The following MEI4 variants were observed in gnomAD, a reference collection of about 807,000 sequenced individuals.
The protein encoded by MEI4 is meiosis-specific protein MEI4.
MEI4 carries 27 observed loss-of-function variants against 31.4 expected under a neutral mutation model. That is an observed-to-expected ratio of 0.86 (90% CI 0.63 to 1.19). The LOEUF (loss-of-function observed/expected upper bound fraction) is 1.19, where lower values mean the gene tolerates loss of function less well. Ranked by LOEUF, MEI4 falls within the 50% of genes most tolerant of loss-of-function variation. MEI4 has a pLI of 0.00. For synonymous variants in MEI4, 122 were observed against 145.4 expected (o/e 0.84, Z 1.16); for missense variants, 329 against 398.9 (o/e 0.82, Z 1.49).
rs1478089175 is a variant in MEI4 at position 77,786,051 on chromosome 6, T to C, written c.768+24386T>C. On this transcript the variant is annotated intron_variant, in intron 3 of 4. Coordinates refer to ENST00000684080, the MANE Select transcript of MEI4 (RefSeq NM_001322247.2). ...CAGTCTCTGAGTTCACATTCCCAAA[T>C]GCCTTTCAGGTATCCACTATTCCTG... 4.6e-5 allele frequency among the ~76,000 whole-genome samples: 7 copies of C among 152,166 alleles called. No homozygotes were observed. The East Asian group carries it at 1.2e-3, about 25-fold the overall frequency.
intron 4 of MEI4, among the ~76,000 whole-genome samples, chr6:77,854,486 T>A (rs1332147947): frequency 6.6e-6 from 1 of 151,498 alleles, no homozygotes; most frequent in African/African-American, 2.4e-5. Flanking sequence ...TATGTACATC[T>A]TTTTTAGTAA....
intron 3 of MEI4, among the ~76,000 whole-genome samples, chr6:77,794,336 G>T (rs1314290827): frequency 6.6e-6 from 1 of 152,154 alleles, no homozygotes; most frequent in African/African-American, 2.4e-5. Context: ...GGCCGAGGCG[G>T]GTGGATCACG....
chr6:77,733,765 A>T (rs1428335164), intron 2 of MEI4, among the ~76,000 whole-genome samples: 1 of 151,986 alleles, frequency 6.6e-6, no homozygotes, highest in African/African-American at 2.4e-5. Flanking sequence ...GTGGGCATTT[A>T]GTGCTATAAA....
At chr6:77,855,610 A>C (rs1166987413) in intron 4 of MEI4, among the ~76,000 whole-genome samples, 1 of 152,228 alleles carries the variant, frequency 6.6e-6, no homozygotes, top group East Asian at 1.9e-4. Flanking sequence ...CTGTACTACT[A>C]TTGAAAAGGT....
chr6:77,730,668 G>A (rs1766957377), intron 2 of MEI4, among the ~76,000 whole-genome samples: 1 of 151,682 alleles, frequency 6.6e-6, no homozygotes, highest in East Asian at 1.9e-4. Flanking sequence ...GGGTACACGT[G>A]CACAATGTGC....
At chr6:77,735,134 G>A (rs962523969) in intron 2 of MEI4, among the ~76,000 whole-genome samples, 8 of 152,018 alleles carry the variant, frequency 5.3e-5, no homozygotes. Flanking sequence ...TTCTCGAGGA[G>A]TATCTTTGTG....
At chr6:77,876,439 C>T (rs1447429419) in intron 4 of MEI4, among the ~76,000 whole-genome samples, 1 of 152,138 alleles carries the variant, frequency 6.6e-6, no homozygotes, top group Non-Finnish European at 1.5e-5. Flanking sequence ...TACCCTTAGC[C>T]ATGGGATGGC....
chr6:77,825,790 T>C (rs1336754331), intron 3 of MEI4, among the ~76,000 whole-genome samples: 2 of 152,232 alleles, frequency 1.3e-5, no homozygotes, highest in African/African-American at 4.8e-5. Context: ...ACTCACAGTA[T>C]CTGTCTCTCT....
rs527920848 is a variant in MEI4 at position 77,732,979 on chromosome 6, A to C, written c.233-28151A>C. 1.3e-3 allele frequency among the ~76,000 whole-genome samples: 204 copies of C among 151,282 alleles called. 4 individuals carry two copies. The highest frequency in any genetic ancestry group is 4.4e-3 in the African/African-American group (180 of 41,332). ...GCCTTGCATCCCAGGGATGAAGCCCACTTGATGATGGTGGATAAGCTTTTT... is the reference window on the plus strand; with the variant it reads ...GCCTTGCATCCCAGGGATGAAGCCCCCTTGATGATGGTGGATAAGCTTTTT... On this transcript the variant is annotated intron_variant, in intron 2 of 4. Transcript: ENST00000684080.
intron 1 of MEI4, among the ~76,000 whole-genome samples, chr6:77,658,892 G>C (rs1379222642): frequency 1.3e-5 from 2 of 152,100 alleles, no homozygotes; most frequent in Non-Finnish European, 2.9e-5. Flanking sequence ...CTATCCTTGA[G>C]TTTTTTTATG....
At chr6:77,886,232 T>C (rs774187389) in intron 4 of MEI4, among the ~76,000 whole-genome samples, 37 of 152,170 alleles carry the variant, frequency 2.4e-4, no homozygotes, top group Admixed American at 6.5e-5. Context: ...TTGAGAAGAA[T>C]TCATGTTAGT....
intron 4 of MEI4, among the ~76,000 whole-genome samples, chr6:77,879,735 G>C (rs568965743): frequency 6.6e-6 from 1 of 152,156 alleles, no homozygotes; most frequent in Non-Finnish European, 1.5e-5. Flanking sequence ...GATGGTATCT[G>C]TACAAGGAGA....
In MEI4 at chr6:77,749,606, A is replaced by G. The variant is rs539651037; in HGVS notation, c.233-11524A>G. ...AAGAAACAAACAAAGCCTCCAAGAA[A>G]TATGGGACTGTGTGAAAAGAACAAA... On this transcript the variant is annotated intron_variant, in intron 2 of 4. Coordinates refer to ENST00000684080, the MANE Select transcript of MEI4 (RefSeq NM_001322247.2). Among the ~76,000 whole-genome samples, 5 of 152,316 alleles carry G rather than the reference A, an allele frequency of 3.3e-5. No homozygotes were observed. In the South Asian group the frequency reaches 1.0e-3, roughly 32 times the overall value.
intron 1 of MEI4, among the ~76,000 whole-genome samples, chr6:77,668,479 T>A (rs985712893): frequency 6.6e-6 from 1 of 152,172 alleles, no homozygotes; most frequent in African/African-American, 2.4e-5. Flanking sequence ...AGCTCCTTAG[T>A]GTCCATGATA....
intron 4 of MEI4, among the ~76,000 whole-genome samples, chr6:77,894,181 G>T (rs1766027087): frequency 1.3e-5 from 2 of 152,016 alleles, no homozygotes; most frequent in African/African-American, 4.8e-5. Context: ...CAAAGTGTTT[G>T]AAATATTAAA....
chr6:77,710,520 C>CAAAAAAAAA (rs1198470708), intron 2 of MEI4, among the ~76,000 whole-genome samples: 5 of 57,734 alleles, frequency 8.7e-5, no homozygotes, highest in African/African-American at 2.3e-4. Context: ...GACTCCATCT[C>CAAAAAAAAA]AAAAAAAAAA....
intron 2 of MEI4, among the ~76,000 whole-genome samples, chr6:77,745,663 A>G (rs1439053685): frequency 2.0e-5 from 3 of 152,198 alleles, no homozygotes; most frequent in Non-Finnish European, 1.5e-5. Flanking sequence ...TCAACAGAAT[A>G]TACATTTTTT....
rs35472480 is a variant in MEI4 at position 77,834,612 on chromosome 6, G to C, written c.900+5550G>C. Among the ~76,000 whole-genome samples the C allele has an allele frequency of 2.7e-4, 41 of 152,012 alleles. No homozygotes were observed. The Middle Eastern group carries it at 0.014, about 51-fold the overall frequency. ...TATTCTGCTTTGCCAGTCCAGCTGA[G>C]GGTCCAAGCCGCTTGCAGTCTCCAA... On this transcript the variant is annotated intron_variant, in intron 4 of 4. Transcript: ENST00000684080.
intron 1 of MEI4, among the ~76,000 whole-genome samples, chr6:77,662,679 GT>G (rs1367281540): frequency 6.6e-6 from 1 of 152,208 alleles, no homozygotes; most frequent in Non-Finnish European, 1.5e-5. Flanking sequence ...GTAAGGTCAA[GT>G]TGTTTGGAGA....
Sources: allele counts gnomAD v4.1 joint callset (sites outside exome capture counted in the v4.1 genomes callset), GRCh38; gene constraint gnomAD v4.1.1; transcripts MANE v1.5; gene names NCBI Gene and HGNC (gene_info 2026-07-23, HGNC 2026-07-21).